GABRG3: variants seen among roughly 807,000 people sequenced by gnomAD.
GABRG3 encodes the protein gamma-aminobutyric acid receptor subunit gamma-3.
Under a neutral mutation model 48.8 loss-of-function variants are expected in GABRG3, and 25 were observed. The ratio of observed to expected loss-of-function variants is 0.51; its 90% confidence interval spans 0.37 to 0.72. GABRG3 has a LOEUF of 0.72. Among genes scored for constraint, GABRG3 ranks in the 30% least tolerant of loss-of-function variants. The pLI, the probability that GABRG3 is intolerant of heterozygous loss-of-function variation, is 0.00. For synonymous variants in GABRG3, 227 were observed against 217.6 expected, an observed-to-expected ratio of 1.04 and a Z score of -0.38; for missense variants, 394 against 577.9, an observed-to-expected ratio of 0.68 and a Z score of 3.26.
chr15:26,982,573 G>T (rs35499647), intron 2 of GABRG3, among the ~76,000 whole-genome samples: 78,513 of 152,116 alleles, frequency 0.52, 20,835 homozygotes, highest in East Asian at 0.9. Flanking sequence ...TTAAGGTGCT[G>T]CCATGTGCAA....
intron 3 of GABRG3, among the ~76,000 whole-genome samples, chr15:27,106,882 A>G (rs1475775581): frequency 6.6e-6 from 1 of 152,080 alleles, no homozygotes; most frequent in Non-Finnish European, 1.5e-5. Context: ...TTCAATAAAC[A>G]ATCTAGCCCT....
intron 5 of GABRG3, among the ~76,000 whole-genome samples, chr15:27,398,899 T>A (rs1265987021): frequency 1.3e-5 from 2 of 152,138 alleles, no homozygotes; most frequent in African/African-American, 2.4e-5. Context: ...TACACTATTA[T>A]TAAGAGCCGG....
At chr15:27,511,359 C>G (rs142695785) in intron 6 of GABRG3, among the ~76,000 whole-genome samples, 96 of 152,216 alleles carry the variant, frequency 6.3e-4, no homozygotes, top group Non-Finnish European at 1.1e-3. Flanking sequence ...AGCCGTGTCC[C>G]CTCTGATAGC....
At chr15:27,382,619 G>A (rs1895808226) in intron 5 of GABRG3, among the ~76,000 whole-genome samples, 1 of 152,176 alleles carries the variant, frequency 6.6e-6, no homozygotes, top group Admixed American at 6.5e-5. Flanking sequence ...ATAAATGGGA[G>A]GAGAACGAGA....
chr15:27,388,713 G>C (rs879271727), intron 5 of GABRG3, among the ~76,000 whole-genome samples: 3 of 152,124 alleles, frequency 2.0e-5, no homozygotes, highest in Non-Finnish European at 2.9e-5. Context: ...TGTGTGGAGT[G>C]AGTCCAGACA....
At chr15:27,172,050 CT>C (rs1344624713) in intron 3 of GABRG3, among the ~76,000 whole-genome samples, 1 of 152,166 alleles carries the variant, frequency 6.6e-6, no homozygotes, top group East Asian at 1.9e-4. Context: ...CTTGTGATAA[CT>C]GACCTGTTCC....
At chr15:27,259,381 G>A (rs1220332480) in intron 3 of GABRG3, among the ~76,000 whole-genome samples, 1 of 152,138 alleles carries the variant, frequency 6.6e-6, no homozygotes. Flanking sequence ...TCTCTGTCTT[G>A]GGGATGTCCT....
chr15:27,225,671 C>T (rs1267182427), intron 3 of GABRG3, among the ~76,000 whole-genome samples: 1 of 152,084 alleles, frequency 6.6e-6, no homozygotes, highest in African/African-American at 2.4e-5. Context: ...GAGGGCATGG[C>T]CCAGGAATGG....
chr15:27,276,002 A>T (rs185853194), intron 3 of GABRG3, among the ~76,000 whole-genome samples: 152 of 152,354 alleles, frequency 1.0e-3, no homozygotes, highest in Middle Eastern at 3.4e-3. Flanking sequence ...TCTGCAAAAA[A>T]TATGCATGAT....
intron 3 of GABRG3, among the ~76,000 whole-genome samples, chr15:27,125,798 C>T (rs942528399): frequency 5.3e-5 from 8 of 152,208 alleles, no homozygotes; most frequent in East Asian, 1.9e-4. Flanking sequence ...AGCAACTGGC[C>T]GCTGTCTGCC....
chr15:27,192,506 G>C (rs1219850352), intron 3 of GABRG3, among the ~76,000 whole-genome samples: 1 of 152,086 alleles, frequency 6.6e-6, no homozygotes, highest in African/African-American at 2.4e-5. Context: ...CTTTCTTCCA[G>C]TTGATCGCAT....
intron 3 of GABRG3, among the ~76,000 whole-genome samples, chr15:27,088,105 T>TTGTG (rs59358081): frequency 0.21 from 31,484 of 147,196 alleles, 3,391 homozygotes; most frequent in Middle Eastern, 0.29. Context: ...TGTGCCGTGG[T>TTGTG]TGTGTGTGTG....
chr15:26,990,082 AC>A, intron 2 of GABRG3, among the ~76,000 whole-genome samples: 1 of 152,358 alleles, frequency 6.6e-6, no homozygotes, highest in Non-Finnish European at 1.5e-5. Flanking sequence ...GCTGCAATGA[AC>A]ATCAGAATGA....
At chr15:27,414,321 T>C (rs1887881505) in intron 5 of GABRG3, among the ~76,000 whole-genome samples, 2 of 152,244 alleles carry the variant, frequency 1.3e-5, no homozygotes, top group Admixed American at 1.3e-4. Context: ...CGTGCTGTTA[T>C]TGTGCTCTCA....
chr15:27,124,599 C>T (rs986184904), intron 3 of GABRG3, among the ~76,000 whole-genome samples: 2 of 152,204 alleles, frequency 1.3e-5, no homozygotes, highest in African/African-American at 4.8e-5. Flanking sequence ...GATTAATCAT[C>T]ACGGCTTCCT....
intron 5 of GABRG3, among the ~76,000 whole-genome samples, chr15:27,446,067 T>C (rs1381954611): frequency 6.6e-6 from 1 of 152,220 alleles, no homozygotes; most frequent in Non-Finnish European, 1.5e-5. Flanking sequence ...GGTTTGGAAA[T>C]AAGAGAATTG....
chr15:27,472,775 A>G (rs1595778179), intron 5 of GABRG3, among the ~76,000 whole-genome samples: 1 of 152,186 alleles, frequency 6.6e-6, no homozygotes, highest in East Asian at 1.9e-4. Flanking sequence ...TTAGGAACAT[A>G]TGTACTCTCT....
At chr15:27,322,263 A>G (rs926836165) in intron 3 of GABRG3, among the ~76,000 whole-genome samples, 4 of 152,346 alleles carry the variant, frequency 2.6e-5, no homozygotes, top group African/African-American at 7.2e-5. Context: ...TTAAAGTGGC[A>G]TTCATGGCAA....
chr15:27,088,247 G>C (rs921709585), intron 3 of GABRG3, among the ~76,000 whole-genome samples: 3 of 128,716 alleles, frequency 2.3e-5, no homozygotes, highest in Non-Finnish European at 5.3e-5. Flanking sequence ...GGAGTGCTCG[G>C]GGCGGGCGCG....
Sources: allele counts gnomAD v4.1 joint callset (sites outside exome capture counted in the v4.1 genomes callset), GRCh38; gene constraint gnomAD v4.1.1; transcripts MANE v1.5; gene names NCBI Gene and HGNC (gene_info 2026-07-23, HGNC 2026-07-21).